TRIM33: variants seen among roughly 807,000 people sequenced by gnomAD.
The protein encoded by TRIM33 is E3 ubiquitin-protein ligase TRIM33.
A neutral mutation model predicts 125.4 loss-of-function variants in TRIM33; 20 were observed. The ratio of observed to expected loss-of-function variants is 0.16; its 90% CI spans 0.11 to 0.23. The LOEUF (loss-of-function observed/expected upper bound fraction) is 0.23. Among genes scored for constraint, TRIM33 ranks in the 10% least tolerant of loss-of-function variants. The probability of loss-of-function intolerance (pLI) is 1.00; values close to 1 mark genes in which losing one functional copy is unlikely to be tolerated. For synonymous variants in TRIM33, 564 were observed against 513.9 expected (o/e 1.10, Z -1.32); for missense variants, 920 against 1,411.4 (o/e 0.65, Z 5.58).
chr1:114,463,916 A>G (rs990740494), intron 2 of TRIM33, among the ~76,000 whole-genome samples: 9 of 151,622 alleles, frequency 5.9e-5, no homozygotes, highest in African/African-American at 2.2e-4. Flanking sequence ...CTAAAGGCGC[A>G]TGCCACCACG....
At chr1:114,454,756 T>C (rs990346389) in intron 4 of TRIM33, among the ~76,000 whole-genome samples, 2 of 152,016 alleles carry the variant, frequency 1.3e-5, no homozygotes, top group Non-Finnish European at 2.9e-5. Context: ...AAGAGAATGT[T>C]AGGACAGATC....
Position 114,417,648 on chromosome 1 carries a change from A to C in TRIM33, c.2061+3788T>G, listed in dbSNP as rs78087696. On this transcript the variant is annotated intron_variant, in intron 11 of 19. Coordinates refer to ENST00000358465, the MANE Select transcript of TRIM33 (RefSeq NM_015906.4). ...TGGACTTAAAACTCCAACTTTTCTT[A>C]TTATTTATTTATTTATTTATTTTTC... 5.3e-3 allele frequency among the ~76,000 whole-genome samples: 804 copies of C among 151,990 alleles called. 6 individuals carry two copies. Among genetic ancestry groups the C allele is most frequent in the African/African-American group, 0.018 (758 of 41,452 alleles).
At chr1:114,445,260 G>T (rs1648904808) in intron 4 of TRIM33, among the ~76,000 whole-genome samples, 1 of 152,084 alleles carries the variant, frequency 6.6e-6, no homozygotes, top group African/African-American at 2.4e-5. Context: ...TTGGAGATAG[G>T]TCTCACTCTC....
Position 114,483,760 on chromosome 1 carries a change from C to T in TRIM33, c.527-19372G>A, listed in dbSNP as rs558486615. 3.3e-5 allele frequency among the ~76,000 whole-genome samples: 5 copies of T among 152,184 alleles called. No individual in the cohort carries two copies. In the South Asian group the frequency reaches 1.0e-3, roughly 32 times the overall value. On this transcript the variant is annotated intron_variant, in intron 1 of 19. Transcript: ENST00000358465. ...CTCTCAAGGAAGAAATAATACAAAC[C>T]TCAAACAAACTCTTTAGAAAATAGA...
At chr1:114,480,373 C>T (rs1651242912) in intron 1 of TRIM33, among the ~76,000 whole-genome samples, 1 of 151,520 alleles carries the variant, frequency 6.6e-6, no homozygotes, top group Non-Finnish European at 1.5e-5. Context: ...CCTAGGAAAA[C>T]CAGAGACCTT....
At chr1:114,497,463 AT>A (rs935212166) in intron 1 of TRIM33, among the ~76,000 whole-genome samples, 4 of 151,216 alleles carry the variant, frequency 2.6e-5, no homozygotes, top group South Asian at 2.1e-4. Context: ...CACCCAGCGA[AT>A]TTTTTTTTGT....
intron 11 of TRIM33, among the ~76,000 whole-genome samples, chr1:114,416,696 G>T (rs923026203): frequency 6.6e-6 from 1 of 152,156 alleles, no homozygotes; most frequent in African/African-American, 2.4e-5. Context: ...CTCTACATTT[G>T]AGTCTTAAAC....
chr1:114,409,194 G>A (rs1305083641), intron 12 of TRIM33, among the ~76,000 whole-genome samples: 1 of 152,048 alleles, frequency 6.6e-6, no homozygotes, highest in South Asian at 2.1e-4. Context: ...GTGTGTTTCA[G>A]TAAGAAAAAA....
At chr1:114,457,483 G>C (rs1649695587) in intron 4 of TRIM33, among the ~76,000 whole-genome samples, 1 of 152,112 alleles carries the variant, frequency 6.6e-6, no homozygotes, top group Admixed American at 6.5e-5. Context: ...ATTCAAAACA[G>C]CCATAATATC....
In TRIM33 at chr1:114,396,791, C is replaced by A; in HGVS notation, c.*857G>T. 9.6e-6 allele frequency: 2 copies of A among 209,332 alleles called. No homozygotes were observed. Among genetic ancestry groups the A allele is most frequent in the Non-Finnish European group, 1.9e-5 (2 of 102,756 alleles). 13.0% of individuals were successfully genotyped at this position (209,332 alleles called of 1,614,324 possible). The stretch of plus-strand genomic sequence containing the variant: ...GGAAGACTGGAAAAGAGCCAGTTGT[C>A]ACCTTCTCAAATTTAAATGTACAGA... On this transcript the variant is annotated 3_prime_UTR_variant, in exon 20 of 20. Transcript: ENST00000358465.
At chr1:114,432,450 C>G (rs1648018468) in intron 5 of TRIM33, among the ~76,000 whole-genome samples, 1 of 152,156 alleles carries the variant, frequency 6.6e-6, no homozygotes, top group Admixed American at 6.5e-5. Context: ...GTACAATCTA[C>G]AAGCTCTAAG....
intron 16 of TRIM33, among the ~76,000 whole-genome samples, chr1:114,402,261 ACT>A (rs1651943447): frequency 6.6e-6 from 1 of 152,242 alleles, no homozygotes; most frequent in Admixed American, 6.5e-5. Flanking sequence ...TAAAAAGAAC[ACT>A]GTTTAATACA....
At chr1:114,502,282 T>C (rs1167138525) in intron 1 of TRIM33, among the ~76,000 whole-genome samples, 1 of 152,142 alleles carries the variant, frequency 6.6e-6, no homozygotes, top group African/African-American at 2.4e-5. Context: ...CTCTGAGACA[T>C]TATCATGTTC....
intron 11 of TRIM33, chr1:114,420,432 A>G (rs764093997): frequency 7.5e-7 from 1 of 1,334,986 alleles, no homozygotes; most frequent in South Asian, 1.2e-5. Flanking sequence ...CCAGGAGTGC[A>G]TCATCGGAAC....
chr1:114,447,145 TC>T (rs1189759050), intron 4 of TRIM33, among the ~76,000 whole-genome samples: 1 of 152,154 alleles, frequency 6.6e-6, no homozygotes, highest in East Asian at 1.9e-4. Flanking sequence ...AACTTAGGAT[TC>T]ACTCTAGCAG....
intron 1 of TRIM33, among the ~76,000 whole-genome samples, chr1:114,496,527 T>C (rs74113202): frequency 0.021 from 3,161 of 152,332 alleles, 108 homozygotes; most frequent in African/African-American, 0.072. Flanking sequence ...TCACAAGGCA[T>C]AGTAAATAAC....
chr1:114,474,578 T>TAAAAAA (rs34473575), intron 1 of TRIM33, among the ~76,000 whole-genome samples: 48 of 78,984 alleles, frequency 6.1e-4, no homozygotes, highest in African/African-American at 2.5e-3. Context: ...TGTCTCTATT[T>TAAAAAA]AAAAAAAAAA....
intron 16 of TRIM33, among the ~76,000 whole-genome samples, chr1:114,401,831 A>G (rs528878281): frequency 6.6e-6 from 1 of 152,326 alleles, no homozygotes; most frequent in South Asian, 2.1e-4. Flanking sequence ...GGCAAGACAA[A>G]TGTTGAAAGT....
intron 4 of TRIM33, among the ~76,000 whole-genome samples, chr1:114,450,534 T>A (rs550146536): frequency 1.3e-5 from 2 of 152,114 alleles, no homozygotes; most frequent in African/African-American, 4.8e-5. Flanking sequence ...ATTGCTGGCT[T>A]TGGAAACTAA....
Sources: allele counts gnomAD v4.1 joint callset (sites outside exome capture counted in the v4.1 genomes callset), GRCh38; gene constraint gnomAD v4.1.1; transcripts MANE v1.5; gene names NCBI Gene and HGNC (gene_info 2026-07-23, HGNC 2026-07-21).